ABCC3: variants seen among roughly 807,000 people sequenced by gnomAD.
The protein encoded by ABCC3 is ATP binding cassette subfamily C member 3.
In ABCC3, 121 loss-of-function variants were observed where a neutral mutation model predicts 165.3. That is an observed-to-expected ratio of 0.73 (90% CI 0.63 to 0.85). The LOEUF is 0.85. ABCC3 is among the 40% of genes least tolerant of loss of function. The pLI is 0.00. For missense variants in ABCC3, 1,869 were observed against 1,964.1 expected (o/e 0.95, Z 0.92); for synonymous variants, 733 against 810.1 (o/e 0.90, Z 1.62).
intron 1 of ABCC3, among the ~76,000 whole-genome samples, chr17:50,637,708 C>G (rs753087463): frequency 2.6e-5 from 4 of 152,230 alleles, no homozygotes; most frequent in Non-Finnish European, 5.9e-5. Context: ...TTTTTCTGAT[C>G]AAATGAGACA....
chr17:50,673,263 G>A (rs184452077), intron 18 of ABCC3, 125 bp downstream of exon 18: 12 of 1,341,144 alleles, frequency 8.9e-6, no homozygotes, highest in Non-Finnish European at 1.2e-5. Flanking sequence ...GGGCATGTGG[G>A]TTGGGCATCA....
chr17:50,635,718 G>T (rs2054173462), intron 1 of ABCC3: 1 of 640,008 alleles, frequency 1.6e-6, no homozygotes, highest in Non-Finnish European at 2.8e-6. Context: ...GCAGAGCTGG[G>T]ATAGAAAAAC....
At chr17:50,683,781 C>T (rs377011162) in intron 27 of ABCC3, 25 bp downstream of exon 27, 89 of 1,593,620 alleles carry the variant, frequency 5.6e-5, no homozygotes, top group African/African-American at 3.5e-4. Context: ...GGCGGGCCTG[C>T]GTGTGTGTTC....
intron 26 of ABCC3, among the ~76,000 whole-genome samples, chr17:50,682,532 C>T (rs1054773564): frequency 6.6e-6 from 1 of 152,010 alleles, no homozygotes; most frequent in Non-Finnish European, 1.5e-5. Flanking sequence ...CAGAACACAC[C>T]TAGAGCCATT....
chr17:50,668,004 ACT>A lies in ABCC3; in HGVS notation c.1779_1780del (p.Gln594GlyfsTer18). 6.2e-7 allele frequency: 1 copy of A among 1,613,852 alleles called. No individual in the cohort carries two copies. Among genetic ancestry groups the A allele is most frequent in the Non-Finnish European group, 8.5e-7 (1 of 1,179,842 alleles). Reference sequence around the variant, plus strand: ...GCTGCCCCAGTTAATCAGCAACCTGACTCAGGTAACCCTGGGTAGGGCTGGGG... The same window carrying A: ...GCTGCCCCAGTTAATCAGCAACCTGACAGGTAACCCTGGGTAGGGCTGGGG... ...NMLPQLISNL[T>X]QASVSLKRIQ... On this transcript the variant is annotated frameshift_variant, in exon 13 of 31. Transcript: ENST00000285238. LOFTEE classifies it high-confidence loss of function.
At chr17:50,660,322 C>T (rs559831582) in intron 7 of ABCC3, among the ~76,000 whole-genome samples, 15 of 152,326 alleles carry the variant, frequency 9.8e-5, no homozygotes, top group Middle Eastern at 3.4e-3. Context: ...CGCTGAGCAT[C>T]ATCTTTCTCC....
At chr17:50,659,470 A>C (rs1013547983) in intron 7 of ABCC3, 102 bp downstream of exon 7, 6 of 1,404,826 alleles carry the variant, frequency 4.3e-6, no homozygotes, top group Non-Finnish European at 5.8e-6. Context: ...CTGGGGTGGC[A>C]AGCAGAGCAG....
At position 50,664,048 on chromosome 17, in the gene ABCC3, C is replaced by T. The variant is rs755358417; in HGVS notation, c.1275C>T (p.Pro425=). The T allele has an allele frequency of 6.2e-7, 1 of 1,614,220 alleles. No individual in the cohort carries two copies. The highest frequency in any genetic ancestry group is 2.2e-5 in the East Asian group (1 of 44,872). The change falls in exon 10 of 31, where the codon CCC becomes CCT. Residue 425 remains proline (P), a synonymous_variant. Transcript: ENST00000285238. The part of the protein sequence containing the change: ...VDAQRFMDLA[P]FLNLLWSAPL... Reference sequence around the variant, plus strand: ...CCCAGCGCTTCATGGACCTTGCCCCCTTCCTCAATCTGCTGTGGTCAGCAC... The same window carrying T: ...CCCAGCGCTTCATGGACCTTGCCCCTTTCCTCAATCTGCTGTGGTCAGCAC...
At chr17:50,686,601 T>C (rs1968026407) in intron 29 of ABCC3, among the ~76,000 whole-genome samples, 1 of 152,016 alleles carries the variant, frequency 6.6e-6, no homozygotes, top group Non-Finnish European at 1.5e-5. Context: ...TCCATTCTTC[T>C]CACCTGCTTG....
intron 8 of ABCC3, chr17:50,662,173 T>G (rs2146612654): frequency 6.6e-6 from 1 of 152,476 alleles, no homozygotes; most frequent in Non-Finnish European, 1.5e-5. Context: ...AGGCCAGGAA[T>G]GAGACAAGTA....
rs769569355 is a variant in ABCC3, at chr17:50,656,726, G to C, written c.247G>C (p.Val83Leu). 6.2e-7 allele frequency: 1 copy of C among 1,613,722 alleles called. No homozygotes were observed. The change falls in exon 3 of 31, where the codon GTC (valine) becomes CTC (leucine). Residue 83 changes from valine to leucine, a missense_variant. Coordinates refer to ENST00000285238, the MANE Select transcript of ABCC3 (RefSeq NM_003786.4). ...KMVLGVLLWC[V>L]SWADLFYSFH... ...GGTCCTGGGTGTCCTGCTGTGGTGC[G>C]TCTCCTGGGCGGACCTTTTTTACTC... is the stretch of plus-strand genomic sequence containing the variant.
At chr17:50,673,753 C>T (rs72837555) in intron 19 of ABCC3, 95 bp downstream of exon 19, 472,730 of 1,315,914 alleles carry the variant, frequency 0.36, 88,093 homozygotes, top group South Asian at 0.43. Flanking sequence ...TAGTGTTGTG[C>T]CAGGCAGGTT....
At chr17:50,675,265 C>T in intron 19 of ABCC3, 97 bp from the exon 20 acceptor site, 3 of 740,640 alleles carry the variant, frequency 4.1e-6, no homozygotes, top group Non-Finnish European at 6.5e-6. Flanking sequence ...CATGCTTGTC[C>T]ATTGAACCCC....
At position 50,676,056 on chromosome 17, in the gene ABCC3, G is replaced by A. The variant is rs774986912; in HGVS notation, c.3033G>A (p.Arg1011=). Residue 1011 remains arginine (R), a synonymous_variant, in exon 22 of 31, where the codon AGG becomes AGA. Coordinates refer to ENST00000285238, the MANE Select transcript of ABCC3 (RefSeq NM_003786.4). ...GTAGACAGAACAACACTTCCCTGAGGCTGGGCGTCTATGCTGCTTTAGGAA... is the reference window on the plus strand; with the variant it reads ...GTAGACAGAACAACACTTCCCTGAGACTGGGCGTCTATGCTGCTTTAGGAA... ...ADSRQNNTSL[R]LGVYAALGIL... is the part of the protein sequence containing the mutation. The A allele has an allele frequency of 2.5e-6, 4 of 1,614,204 alleles. No homozygotes were observed. In the Admixed American group the frequency reaches 6.7e-5, roughly 27 times the overall value.
intron 1 of ABCC3, among the ~76,000 whole-genome samples, chr17:50,642,229 G>C (rs739921): frequency 0.26 from 39,901 of 152,172 alleles, 5,458 homozygotes; most frequent in Admixed American, 0.29. Context: ...AGTTCTGGAC[G>C]TGTTTTGTAT....
chr17:50,638,548 C>A lies in ABCC3; in HGVS notation c.45+3567C>A, dbSNP rs188539782. Among the ~76,000 whole-genome samples, 11 of 152,252 alleles carry A rather than the reference C, an allele frequency of 7.2e-5. No homozygotes were observed. The East Asian group carries it at 2.1e-3, about 29-fold the overall frequency. ...TGACTGGGTAGAGGGAAGATGCGGC[C>A]AGTGGGGATTCATTAGTTCCTCCTC... On this transcript the variant is annotated intron_variant, in intron 1 of 30. Coordinates refer to ENST00000285238, the MANE Select transcript of ABCC3 (RefSeq NM_003786.4).
rs1162629714 is a variant in ABCC3 at position 50,637,144 on chromosome 17, C to T, written c.45+2163C>T. On this transcript the variant is annotated intron_variant, in intron 1 of 30. Coordinates refer to ENST00000285238, the MANE Select transcript of ABCC3 (RefSeq NM_003786.4). ...CCTCGTGAGATCTCTGCTTGGATACCTTAAATGGCAAACTGACCACCCCCC... is the reference window on the plus strand; with the variant it reads ...CCTCGTGAGATCTCTGCTTGGATACTTTAAATGGCAAACTGACCACCCCCC... Among the ~76,000 whole-genome samples the T allele has an allele frequency of 5.3e-5, 8 of 152,206 alleles. No individual in the cohort carries two copies. The East Asian group carries it at 7.7e-4, about 15-fold the overall frequency.
In ABCC3 at chr17:50,657,189, G is replaced by A. The variant is rs1967271485; in HGVS notation, c.486+6G>A. On this transcript the variant is annotated splice_donor_region_variant and intron_variant, in intron 4 of 30. Coordinates refer to ENST00000285238, the MANE Select transcript of ABCC3 (RefSeq NM_003786.4). ...TCCTTTTAGCCAAGGCAGAGGTAAGGTTGGGGGAGAGGGGAACCTGCCAGG... is the reference window on the plus strand; with the variant it reads ...TCCTTTTAGCCAAGGCAGAGGTAAGATTGGGGGAGAGGGGAACCTGCCAGG... The A allele has an allele frequency of 6.2e-7, 1 of 1,613,382 alleles. No homozygotes were observed. The highest frequency in any genetic ancestry group is 8.5e-7 in the Non-Finnish European group (1 of 1,179,624).
chr17:50,658,406 T>C, intron 5 of ABCC3, 29 bp from the exon 6 acceptor site: 1 of 1,608,606 alleles, frequency 6.2e-7, no homozygotes. Context: ...GCACTCCTGA[T>C]TCCCCCGTCC....
Sources: allele counts gnomAD v4.1 joint callset (sites outside exome capture counted in the v4.1 genomes callset), GRCh38; gene constraint gnomAD v4.1.1; transcripts MANE v1.5; gene names NCBI Gene and HGNC (gene_info 2026-07-23, HGNC 2026-07-21).